Variants in BIVM observed in about 807,000 individuals in gnomAD.
BIVM encodes basic, immunoglobulin-like variable motif containing, also known as basic immunoglobulin-like variable motif-containing protein.
Under a neutral mutation model 61.4 loss-of-function variants are expected in BIVM, and 31 were observed. The ratio of observed to expected loss-of-function variants is 0.51; its 90% confidence interval spans 0.38 to 0.68. The LOEUF is 0.68. Ranked by LOEUF, BIVM falls within the 30% of genes least tolerant of loss-of-function variation. The pLI is 0.00. For synonymous variants in BIVM, 189 were observed against 210.7 expected (o/e 0.90, Z 0.89); for missense variants, 526 against 596.0 (o/e 0.88, Z 1.22).
intron 9 of BIVM, among the ~76,000 whole-genome samples, chr13:102,834,996 T>C (rs2140498804): frequency 6.6e-6 from 1 of 152,332 alleles, no homozygotes; most frequent in Middle Eastern, 3.4e-3. Context: ...TTTGGTCTCT[T>C]GTCAATGAAG....
intron 3 of BIVM, among the ~76,000 whole-genome samples, chr13:102,815,751 ATGTT>A (rs1238284396): frequency 1.3e-5 from 2 of 152,178 alleles, no homozygotes; most frequent in South Asian, 2.1e-4. Flanking sequence ...CTTTTGGAGA[ATGTT>A]TGTATGTGTG....
intron 9 of BIVM, 66 bp from the exon 10 acceptor site, chr13:102,838,577 A>C: frequency 7.2e-7 from 1 of 1,384,180 alleles, no homozygotes; most frequent in Non-Finnish European, 9.8e-7. Context: ...GCTCATGAAA[A>C]ATTCCATTGC....
chr13:102,818,360 T>A (rs1259024183), intron 4 of BIVM, among the ~76,000 whole-genome samples: 1 of 152,196 alleles, frequency 6.6e-6, no homozygotes, highest in African/African-American at 2.4e-5. Flanking sequence ...GGCTCAATAT[T>A]TAGATTTTTT....
chr13:102,799,202 G>C lies in BIVM; in HGVS notation c.-526G>C, dbSNP rs1285068514. On this transcript the variant is annotated 5_prime_UTR_variant, in exon 1 of 11. Transcript: ENST00000257336. ...TTTACTTCTCGGTCACCGCTTTCGG[G>C]GGACAGATAAACACCACAGATGCCC... is the stretch of plus-strand genomic sequence containing the variant. The C allele has an allele frequency of 8.3e-6, 3 of 362,394 alleles. No homozygotes were observed. The highest frequency in any genetic ancestry group is 9.8e-6 in the Non-Finnish European group (2 of 203,888). 22.4% of individuals were successfully genotyped at this position (362,394 alleles called of 1,614,324 possible).
chr13:102,839,471 C>G, intron 10 of BIVM, 101 bp from the exon 11 acceptor site: 1 of 1,445,656 alleles, frequency 6.9e-7, no homozygotes, highest in Non-Finnish European at 9.3e-7. Context: ...CATTCTGAGG[C>G]CGGTGAAGTA....
intron 8 of BIVM, 104 bp from the exon 9 acceptor site, chr13:102,834,362 C>A: frequency 8.9e-7 from 1 of 1,118,816 alleles, no homozygotes; most frequent in South Asian, 1.7e-5. Context: ...TGAATGAATG[C>A]CAGGTTTGAA....
chr13:102,819,002 C>T (rs1880058368), intron 4 of BIVM, among the ~76,000 whole-genome samples: 1 of 152,024 alleles, frequency 6.6e-6, no homozygotes, highest in Non-Finnish European at 1.5e-5. Context: ...AAATTGAACT[C>T]TGGCAAAAAT....
chr13:102,831,489 C>T, intron 7 of BIVM, 76 bp from the exon 8 acceptor site: 1 of 1,589,798 alleles, frequency 6.3e-7, no homozygotes. Flanking sequence ...TCCTTAAGCC[C>T]TTAACCGGTC....
At chr13:102,811,410 T>A (rs1019875267) in intron 3 of BIVM, among the ~76,000 whole-genome samples, 2 of 152,246 alleles carry the variant, frequency 1.3e-5, no homozygotes, top group Admixed American at 1.3e-4. Flanking sequence ...CCCACTTCCT[T>A]CTGGCTTCCA....
intron 7 of BIVM, among the ~76,000 whole-genome samples, chr13:102,827,277 T>TTC (rs1880739915): frequency 6.8e-6 from 1 of 146,556 alleles, no homozygotes; most frequent in African/African-American, 2.5e-5. Context: ...CCCAATGACT[T>TTC]TTTTTTTTTT....
intron 4 of BIVM, among the ~76,000 whole-genome samples, chr13:102,819,956 C>A (rs1000292440): frequency 6.6e-6 from 1 of 152,060 alleles, no homozygotes; most frequent in African/African-American, 2.4e-5. Flanking sequence ...CTTCTTAGCA[C>A]CTTCTTTAGA....
In BIVM at chr13:102,816,550, C is replaced by T. The variant is rs767898749; in HGVS notation, c.601C>T (p.Arg201Ter). The T allele has an allele frequency of 7.7e-6, 12 of 1,552,386 alleles. No individual in the cohort carries two copies. The Admixed American group carries it at 1.1e-4, about 14-fold the overall frequency. ...IKQRKVLDLR[R>*]WYCISRPQYK... ...ACAGCGGAAAGTATTAGACCTCAGA[C>T]GATGGTGATGTTATCAGTTTTTATT... Residue 201 changes from arginine (R) to a stop codon, truncating the protein, a stop_gained, in exon 4 of 11, where the codon CGA becomes TGA. Coordinates refer to ENST00000257336, the MANE Select transcript of BIVM (RefSeq NM_017693.4). LOFTEE classifies it high-confidence loss of function.
At chr13:102,814,292 T>A (rs2139177703) in intron 3 of BIVM, among the ~76,000 whole-genome samples, 1 of 152,340 alleles carries the variant, frequency 6.6e-6, no homozygotes, top group Non-Finnish European at 1.5e-5. Flanking sequence ...TGATGTGGCT[T>A]CTTTCCCTCA....
At chr13:102,834,685 T>C (rs1881342184) in intron 9 of BIVM, 133 bp downstream of exon 9, 1 of 729,062 alleles carries the variant, frequency 1.4e-6, no homozygotes, top group African/African-American at 1.9e-5. Flanking sequence ...CAGGATATGG[T>C]ACACATTCAT....
chr13:102,821,848 G>C lies in BIVM; in HGVS notation c.806+1G>C. The stretch of plus-strand genomic sequence containing the variant: ...TCACGGGGAATACAACACTTATGAG[G>C]TATGAAGACCCTCTTAGAGGCAATA... On this transcript the variant is annotated splice_donor_variant, in intron 6 of 10. Transcript: ENST00000257336. LOFTEE classifies it high-confidence loss of function. The C allele has an allele frequency of 6.2e-7, 1 of 1,611,940 alleles. No homozygotes were observed. The highest frequency in any genetic ancestry group is 8.5e-7 in the Non-Finnish European group (1 of 1,179,350).
At chr13:102,806,129 G>C (rs1879061732) in intron 2 of BIVM, among the ~76,000 whole-genome samples, 1 of 152,016 alleles carries the variant, frequency 6.6e-6, no homozygotes, top group Non-Finnish European at 1.5e-5. Context: ...ATTTCTCCAC[G>C]TCCTCACCAA....
intron 9 of BIVM, among the ~76,000 whole-genome samples, chr13:102,835,902 C>A (rs1369147045): frequency 1.3e-5 from 2 of 152,200 alleles, no homozygotes; most frequent in African/African-American, 2.4e-5. Context: ...TACCTGGCTT[C>A]TTTCACTTAA....
chr13:102,839,162 C>T (rs1289798951), intron 10 of BIVM, among the ~76,000 whole-genome samples: 1 of 152,198 alleles, frequency 6.6e-6, no homozygotes, highest in Non-Finnish European at 1.5e-5. Context: ...TAACTGTGGC[C>T]TTGTGGCAGA....
In BIVM at chr13:102,807,695, T is replaced by C. The variant is rs1325307941; in HGVS notation, c.428T>C (p.Ile143Thr). ...GGCAAGCTACCTCTCGCATGGGAAATTGATAAATCTGAATTTGATGGGGTG... is the reference window on the plus strand; with the variant it reads ...GGCAAGCTACCTCTCGCATGGGAAACTGATAAATCTGAATTTGATGGGGTG... ...SLGKLPLAWE[I>T]DKSEFDGVTT... is the part of the protein sequence containing the mutation. The change falls in exon 3 of 11, where the codon ATT becomes ACT. Residue 143 changes from isoleucine to threonine, a missense_variant. By Grantham distance (89) the Ile-to-Thr change is moderately conservative. This residue lies in a region of BIVM where 312 missense variants were observed against 343.8 expected (regional missense o/e 0.91). Coordinates refer to ENST00000257336, the MANE Select transcript of BIVM (RefSeq NM_017693.4). This position sits in a 1 kb window ranked among gnomAD's most constrained non-coding sequence, Gnocchi z 4.0. 4 of 1,613,780 alleles carry C rather than the reference T, an allele frequency of 2.5e-6. No homozygotes were observed. Among genetic ancestry groups the C allele is most frequent in the Admixed American group, 1.7e-5 (1 of 59,952 alleles).
Sources: gnomAD v4.1 joint callset for allele counts (sites outside exome capture counted in the v4.1 genomes callset) on GRCh38, gnomAD v4.1.1 for gene constraint, gnomAD v4.1.1 regional missense constraint, Gnocchi (gnomAD v3.1) non-coding constraint, MANE v1.5 for transcripts, NCBI Gene and HGNC (gene_info 2026-07-23, HGNC 2026-07-21) for gene names.